The following GRB10 variants were observed in gnomAD, a reference collection of about 807,000 sequenced individuals.
GRB10 encodes the protein growth factor receptor-bound protein 10.
GRB10 carries 20 observed loss-of-function variants against 80.9 expected under a neutral mutation model. That is an observed-to-expected ratio of 0.25 (90% CI 0.17 to 0.36). The LOEUF is 0.36. Among genes scored for constraint, GRB10 ranks in the 10% least tolerant of loss-of-function variants. The pLI, the probability that GRB10 is intolerant of heterozygous loss-of-function variation, is 1.00. For synonymous variants in GRB10, 291 were observed against 291.5 expected (o/e 1.00, Z 0.02); for missense variants, 548 against 747.7 (o/e 0.73, Z 3.12).
intron 3 of GRB10, among the ~76,000 whole-genome samples, chr7:50,740,449 G>C (rs1447514700): frequency 6.6e-6 from 1 of 152,046 alleles, no homozygotes; most frequent in East Asian, 1.9e-4. Context: ...ATGATGATTG[G>C]GTTAAATAAT....
At chr7:50,792,318 G>A (rs377002367) in intron 1 of GRB10, 2 of 394,676 alleles carry the variant, frequency 5.1e-6, no homozygotes, top group East Asian at 7.2e-5. Flanking sequence ...AAAGATCCAG[G>A]ACCCTGTAAA....
chr7:50,606,842 G>C (rs2048637089), intron 13 of GRB10: 1 of 236,076 alleles, frequency 4.2e-6, no homozygotes, highest in South Asian at 5.9e-5. Context: ...TTGACACAAT[G>C]AATTATCTGT....
At chr7:50,743,080 T>C (rs2072187700) in intron 3 of GRB10, among the ~76,000 whole-genome samples, 2 of 152,332 alleles carry the variant, frequency 1.3e-5, no homozygotes, top group South Asian at 4.1e-4. Context: ...ATACAAAGAA[T>C]GCCTTTTAGA....
chr7:50,698,194 A>G (rs1162914922), intron 5 of GRB10, among the ~76,000 whole-genome samples: 1 of 152,208 alleles, frequency 6.6e-6, no homozygotes, highest in Non-Finnish European at 1.5e-5. Context: ...ACAGGATACT[A>G]ATACTCTGCA....
chr7:50,647,399 C>A (rs763537493), intron 7 of GRB10, among the ~76,000 whole-genome samples: 1 of 152,138 alleles, frequency 6.6e-6, no homozygotes, highest in Non-Finnish European at 1.5e-5. Flanking sequence ...TTGGCCGAAC[C>A]TTTTCAAGCC....
intron 4 of GRB10, among the ~76,000 whole-genome samples, chr7:50,719,273 C>T (rs2067343888): frequency 6.6e-6 from 1 of 152,166 alleles, no homozygotes; most frequent in Non-Finnish European, 1.5e-5. Flanking sequence ...GCCAGGCCCA[C>T]AGGTGTCCTG....
rs56411780 is a variant in GRB10, at chr7:50,635,962, C to CTTTT, written c.505-8988_505-8985dup. On this transcript the variant is annotated intron_variant, in intron 7 of 18. Coordinates refer to ENST00000401949, the MANE Select transcript of GRB10 (RefSeq NM_001350814.2). Reference sequence around the variant, plus strand: ...ACAGCTTTTTTTTTTTTTTCCTTTCCTTTTTTTTTTTTTTTTTTTTTTTTT... The same window carrying CTTTT: ...ACAGCTTTTTTTTTTTTTTCCTTTCCTTTTTTTTTTTTTTTTTTTTTTTTTTTTT... Among the ~76,000 whole-genome samples the CTTTT allele has an allele frequency of 1.3e-3, 89 of 70,998 alleles. 3 individuals are homozygous for CTTTT. Among genetic ancestry groups the CTTTT allele is most frequent in the African/African-American group, 4.3e-3 (65 of 15,044 alleles). 46.6% of individuals were successfully genotyped at this position (70,998 alleles called of 152,430 possible).
chr7:50,724,564 G>A (rs974911039), intron 4 of GRB10, among the ~76,000 whole-genome samples: 1 of 152,078 alleles, frequency 6.6e-6, no homozygotes, highest in African/African-American at 2.4e-5. Flanking sequence ...GTCCTGAAGG[G>A]AGAGCGTGAG....
intron 3 of GRB10, among the ~76,000 whole-genome samples, chr7:50,733,705 G>A (rs866493013): frequency 2.0e-5 from 3 of 152,176 alleles, no homozygotes; most frequent in Admixed American, 6.5e-5. Flanking sequence ...AGCCTTCTCC[G>A]GCTCACAGTC....
At chr7:50,665,952 T>C (rs2059757079) in intron 7 of GRB10, among the ~76,000 whole-genome samples, 2 of 152,120 alleles carry the variant, frequency 1.3e-5, no homozygotes, top group African/African-American at 2.4e-5. Flanking sequence ...GCCCCATGGG[T>C]ACCCTTAGCA....
At chr7:50,729,522 T>C (rs1156974354) in intron 4 of GRB10, 1 of 152,202 alleles carries the variant, frequency 6.6e-6, no homozygotes, top group African/African-American at 2.4e-5. Flanking sequence ...TGGAGAATGA[T>C]AACACAGTGT....
At chr7:50,633,127 C>G (rs2054319016) in intron 7 of GRB10, among the ~76,000 whole-genome samples, 1 of 152,198 alleles carries the variant, frequency 6.6e-6, no homozygotes, top group Non-Finnish European at 1.5e-5. Flanking sequence ...CTGCATAACT[C>G]AAAGTAATTC....
At chr7:50,643,825 T>TA (rs1170390553) in intron 7 of GRB10, among the ~76,000 whole-genome samples, 1 of 152,196 alleles carries the variant, frequency 6.6e-6, no homozygotes, top group Non-Finnish European at 1.5e-5. Context: ...GGAAATGACT[T>TA]AAAATGTGGC....
At chr7:50,684,267 CAAAAA>C (rs386410128) in intron 5 of GRB10, among the ~76,000 whole-genome samples, 5 of 62,300 alleles carry the variant, frequency 8.0e-5, no homozygotes, top group Non-Finnish European at 8.0e-5. Context: ...CAATCATCAC[CAAAAA>C]AAAAAAAAAA....
chr7:50,605,446 T>C, intron 14 of GRB10, 40 bp from the exon 15 acceptor site: 1 of 1,476,466 alleles, frequency 6.8e-7, no homozygotes, highest in African/African-American at 1.4e-5. Context: ...TGCAGGGAAA[T>C]AAGGCAGAGT....
At chr7:50,792,682 C>T (rs890098879) in intron 1 of GRB10, 53 of 383,494 alleles carry the variant, frequency 1.4e-4, no homozygotes, top group African/African-American at 1.1e-3. Context: ...GCTGGGCCGG[C>T]TCGGGATTTG....
intron 2 of GRB10, among the ~76,000 whole-genome samples, chr7:50,765,025 A>T (rs2076187147): frequency 6.6e-6 from 1 of 152,246 alleles, no homozygotes; most frequent in African/African-American, 2.4e-5. Flanking sequence ...GTGAACAGAC[A>T]TCTCTAAAAG....
At chr7:50,627,924 C>A (rs779752549) in intron 7 of GRB10, among the ~76,000 whole-genome samples, 1 of 152,160 alleles carries the variant, frequency 6.6e-6, no homozygotes, top group Non-Finnish European at 1.5e-5. Context: ...AGCAGGGAGG[C>A]CACCCACCCA....
At chr7:50,773,613 G>C (rs1430102399) in intron 2 of GRB10, among the ~76,000 whole-genome samples, 1 of 152,122 alleles carries the variant, frequency 6.6e-6, no homozygotes, top group African/African-American at 2.4e-5. Flanking sequence ...GTAAAATGGT[G>C]CAGCTGCTCT....
Sources: allele counts gnomAD v4.1 joint callset (sites outside exome capture counted in the v4.1 genomes callset), GRCh38; gene constraint gnomAD v4.1.1; transcripts MANE v1.5; gene names NCBI Gene and HGNC (gene_info 2026-07-23, HGNC 2026-07-21).